NCAM1: variants seen among roughly 807,000 people sequenced by gnomAD.
The protein encoded by NCAM1 is neural cell adhesion molecule 1.
NCAM1 carries 14 observed loss-of-function variants against 109.8 expected under a neutral mutation model. That is an observed-to-expected ratio of 0.13 (90% CI 0.08 to 0.20). The LOEUF is 0.20. Among genes scored for constraint, NCAM1 ranks in the 10% least tolerant of loss-of-function variants. The pLI, the probability that NCAM1 is intolerant of heterozygous loss-of-function variation, is 1.00. For synonymous variants in NCAM1, 418 were observed against 442.9 expected (o/e 0.94, Z 0.70); for missense variants, 774 against 1,109.9 (o/e 0.70, Z 4.30).
At chr11:113,073,800 C>A (rs1433459863) in intron 1 of NCAM1, among the ~76,000 whole-genome samples, 2 of 152,208 alleles carry the variant, frequency 1.3e-5, no homozygotes, top group African/African-American at 4.8e-5. Flanking sequence ...AACACACCTG[C>A]TGCTCTTATT....
At chr11:113,020,707 T>C (rs1445329582) in intron 1 of NCAM1, among the ~76,000 whole-genome samples, 1 of 152,078 alleles carries the variant, frequency 6.6e-6, no homozygotes, top group Non-Finnish European at 1.5e-5. Flanking sequence ...TACCATTTTA[T>C]TGGATTTGTT....
chr11:113,272,775 C>T (rs1946310098), intron 19 of NCAM1, among the ~76,000 whole-genome samples: 1 of 152,164 alleles, frequency 6.6e-6, no homozygotes, highest in Non-Finnish European at 1.5e-5. Flanking sequence ...TGCTTCCTCT[C>T]AGCATCCTTC....
chr11:113,021,076 T>C (rs2135239820), intron 1 of NCAM1, among the ~76,000 whole-genome samples: 1 of 152,306 alleles, frequency 6.6e-6, no homozygotes, highest in Middle Eastern at 3.4e-3. Flanking sequence ...TCTTCATTGG[T>C]GGCTCCTACT....
chr11:113,202,368 T>TGTTTC lies in NCAM1; in HGVS notation c.53-7_53-6insCGTTT. On this transcript the variant is annotated splice_polypyrimidine_tract_variant and intron_variant, in intron 1 of 19. Transcript: ENST00000316851. ...TTTTTTGTTTTGTTTTGTTTTGTTTTGTTTTTTCAGTTTCTCTGCAGGTGG... is the reference window on the plus strand; with the variant it reads ...TTTTTTGTTTTGTTTTGTTTTGTTTTGTTTCGTTTTTTCAGTTTCTCTGCAGGTGG... The TGTTTC allele has an allele frequency of 1.9e-6, 3 of 1,610,834 alleles. No homozygotes were observed. Among genetic ancestry groups the TGTTTC allele is most frequent in the Non-Finnish European group, 2.5e-6 (3 of 1,178,898 alleles).
chr11:113,252,499 C>A (rs942084115), intron 15 of NCAM1, among the ~76,000 whole-genome samples: 4 of 150,768 alleles, frequency 2.7e-5, no homozygotes, highest in African/African-American at 9.7e-5. Flanking sequence ...TTAGTTTTTT[C>A]ATTTGGCAAA....
At chr11:113,177,699 G>T (rs564495499) in intron 1 of NCAM1, among the ~76,000 whole-genome samples, 102 of 152,112 alleles carry the variant, frequency 6.7e-4, no homozygotes, top group Non-Finnish European at 1.4e-3. Flanking sequence ...CTCCCAAAGT[G>T]CTGGGATTAC....
At chr11:113,168,875 C>G (rs1446378469) in intron 1 of NCAM1, among the ~76,000 whole-genome samples, 1 of 152,048 alleles carries the variant, frequency 6.6e-6, no homozygotes, top group African/African-American at 2.4e-5. Context: ...GCCAGGCAAC[C>G]AATTCTATAG....
chr11:113,136,643 C>T lies in NCAM1; in HGVS notation c.53-65736C>T, dbSNP rs556057274. Among the ~76,000 whole-genome samples, 11 of 152,252 alleles carry T rather than the reference C, an allele frequency of 7.2e-5. No individual in the cohort carries two copies. The South Asian group carries it at 1.5e-3, about 20-fold the overall frequency. The stretch of plus-strand genomic sequence containing the variant: ...GCTTCACAAAGATTTGTCTTCTCTC[C>T]GTCTCAGTGATCTGTGACCCAGGCA... On this transcript the variant is annotated intron_variant, in intron 1 of 19. Transcript: ENST00000316851.
intron 1 of NCAM1, among the ~76,000 whole-genome samples, chr11:112,973,310 G>T (rs1950930149): frequency 6.6e-6 from 1 of 152,094 alleles, no homozygotes; most frequent in South Asian, 2.1e-4. Flanking sequence ...CAGTTAAGCT[G>T]CAATTGCTAT....
intron 1 of NCAM1, among the ~76,000 whole-genome samples, chr11:113,049,264 A>C (rs368867658): frequency 1.7e-4 from 26 of 152,230 alleles, no homozygotes; most frequent in Middle Eastern, 3.4e-3. Flanking sequence ...ATGAAAAAAA[A>C]ATGATTCTAT....
rs1423506890 is a variant in NCAM1 at position 113,233,759 on chromosome 11, A to G, written c.1693+442A>G. 3.3e-5 allele frequency among the ~76,000 whole-genome samples: 5 copies of G among 152,206 alleles called. No individual in the cohort carries two copies. Among genetic ancestry groups the G allele is most frequent in the African/African-American group, 1.2e-4 (5 of 41,456 alleles). On this transcript the variant is annotated intron_variant, in intron 13 of 19. Coordinates refer to ENST00000316851, the MANE Select transcript of NCAM1 (RefSeq NM_181351.5). The surrounding 1 kb of genome is among the most constrained non-coding windows in gnomAD (Gnocchi z 4.5). ...CTTGTAATTGTGATAGTAACCAAATAAGCACAGCCAGCAGGACAAGTCTGC... is the reference window on the plus strand; with the variant it reads ...CTTGTAATTGTGATAGTAACCAAATGAGCACAGCCAGCAGGACAAGTCTGC...
intron 1 of NCAM1, among the ~76,000 whole-genome samples, chr11:113,121,978 T>C (rs1458821008): frequency 6.6e-6 from 1 of 152,190 alleles, no homozygotes; most frequent in Non-Finnish European, 1.5e-5. Flanking sequence ...GATTTTATTA[T>C]ACTGAGGAGA....
chr11:113,187,644 G>A (rs1328590898), intron 1 of NCAM1, among the ~76,000 whole-genome samples: 1 of 151,550 alleles, frequency 6.6e-6, no homozygotes, highest in African/African-American at 2.4e-5. Flanking sequence ...TTGCTTAAAT[G>A]GACTCAGTGA....
intron 1 of NCAM1, among the ~76,000 whole-genome samples, chr11:112,969,764 T>C (rs1358250776): frequency 2.0e-5 from 3 of 152,194 alleles, no homozygotes; most frequent in African/African-American, 7.2e-5. Flanking sequence ...ATGTGCAAAG[T>C]TCTGTGCTAG....
chr11:113,052,756 G>A (rs968262425), intron 1 of NCAM1, among the ~76,000 whole-genome samples: 4 of 152,060 alleles, frequency 2.6e-5, no homozygotes, highest in Admixed American at 1.3e-4. Context: ...ATAGGTAAAC[G>A]TGTGCCATGG....
Position 113,204,476 on chromosome 11 carries a change from A to G in NCAM1, c.318A>G (p.Ser106=). 1.2e-6 allele frequency: 2 copies of G among 1,614,046 alleles called. No individual in the cohort carries two copies. Among genetic ancestry groups the G allele is most frequent in the South Asian group, 1.1e-5 (1 of 91,076 alleles). ...TTACAGGCGAGGATGGCAGTGAGTCAGAGGCCACCGTCAACGTGAAGATCT... is the reference window on the plus strand; with the variant it reads ...TTACAGGCGAGGATGGCAGTGAGTCGGAGGCCACCGTCAACGTGAAGATCT... ...CVVTGEDGSE[S]EATVNVKIFQ... is the part of the protein sequence containing the mutation. Residue 106 remains serine, a synonymous_variant, in exon 3 of 20, where the codon TCA becomes TCG. Coordinates refer to ENST00000316851, the MANE Select transcript of NCAM1 (RefSeq NM_181351.5).
chr11:113,043,678 A>T (rs1953158190), intron 1 of NCAM1, among the ~76,000 whole-genome samples: 1 of 152,108 alleles, frequency 6.6e-6, no homozygotes, highest in Non-Finnish European at 1.5e-5. Context: ...GAATGCCATC[A>T]CTTTTAAGAA....
At chr11:113,242,897 A>G in intron 14 of NCAM1, 1 of 1,613,184 alleles carries the variant, frequency 6.2e-7, no homozygotes, top group Non-Finnish European at 8.5e-7. Context: ...CGCTTGTTGT[A>G]GAGCCGACTT....
chr11:112,973,767 C>T (rs1042497628), intron 1 of NCAM1, among the ~76,000 whole-genome samples: 7 of 152,016 alleles, frequency 4.6e-5, no homozygotes, highest in Non-Finnish European at 8.8e-5. Context: ...ATACAATTCG[C>T]GTTGGATTTA....
Sources: gnomAD v4.1 joint callset for allele counts (sites outside exome capture counted in the v4.1 genomes callset) on GRCh38, gnomAD v4.1.1 for gene constraint, Gnocchi (gnomAD v3.1) non-coding constraint, MANE v1.5 for transcripts, NCBI Gene and HGNC (gene_info 2026-07-23, HGNC 2026-07-21) for gene names.